Variants in BMS1 observed in about 807,000 individuals in gnomAD.
BMS1 encodes the protein BMS1 ribosome biogenesis factor.
A neutral mutation model predicts 138.7 loss-of-function variants in BMS1; 53 were observed. That is an observed-to-expected ratio of 0.38 (90% CI 0.31 to 0.48). The LOEUF is 0.48. Ranked by LOEUF, BMS1 falls within the 20% of genes least tolerant of loss-of-function variation. BMS1 has a pLI of 0.97. For synonymous variants in BMS1, 504 were observed against 539.9 expected (o/e 0.93, Z 0.92); for missense variants, 1,360 against 1,565.5 (o/e 0.87, Z 2.22).
intron 13 of BMS1, among the ~76,000 whole-genome samples, chr10:42,815,650 C>T (rs781629924): frequency 6.6e-6 from 1 of 152,188 alleles, no homozygotes; most frequent in Non-Finnish European, 1.5e-5. Context: ...CAACGTCTGC[C>T]TCCCGGGCCC....
chr10:42,792,607 C>T lies in BMS1; in HGVS notation c.894C>T (p.His298=), dbSNP rs1341467712. 2 of 1,607,410 alleles carry T rather than the reference C, an allele frequency of 1.2e-6. No homozygotes were observed. Among genetic ancestry groups the T allele is most frequent in the Non-Finnish European group, 1.7e-6 (2 of 1,179,722 alleles). Residue 298 remains histidine, a synonymous_variant, in exon 7 of 23, where the codon CAC becomes CAT. Transcript: ENST00000374518. The stretch of plus-strand genomic sequence containing the variant: ...ACTTGAAAAATAAAAGCCAAATTCA[C>T]ATGCCAGGTATTCTCTTGTTGTAGA... ...GAHLKNKSQI[H]MPGVGDFAVS...
chr10:42,817,943 AG>A (rs1267006427), intron 15 of BMS1, among the ~76,000 whole-genome samples: 1 of 152,184 alleles, frequency 6.6e-6, no homozygotes, highest in East Asian at 1.9e-4. Context: ...CATCCTGGTC[AG>A]AGTTCAGAAG....
intron 15 of BMS1, among the ~76,000 whole-genome samples, chr10:42,819,854 C>T (rs754821930): frequency 3.3e-5 from 5 of 152,122 alleles, no homozygotes; most frequent in Admixed American, 2.6e-4. Flanking sequence ...TGCAGTGGCA[C>T]GATCTCGACT....
In BMS1 at chr10:42,830,894, C is replaced by G. The variant is rs773249299; in HGVS notation, c.3647C>G (p.Thr1216Arg). Residue 1216 changes from threonine (T) to arginine (R), a missense_variant, in exon 23 of 23, where the codon ACG (threonine) becomes AGG (arginine). Physicochemically the swap from Thr to Arg is moderately conservative, Grantham distance 71. Transcript: ENST00000374518. ...KILALLDALS[T>R]VHSQKMKKAK... is the part of the protein sequence containing the mutation. The stretch of plus-strand genomic sequence containing the variant: ...CTTGCACTGCTGGATGCTCTGAGTA[C>G]GGTGCATAGTCAGAAGATGAAGAAG... 1 of 1,611,944 alleles carries G rather than the reference C, an allele frequency of 6.2e-7. No homozygotes were observed. Among genetic ancestry groups the G allele is most frequent in the Non-Finnish European group, 8.5e-7 (1 of 1,179,200 alleles).
At chr10:42,789,484 A>G (rs1475693730) in intron 4 of BMS1, among the ~76,000 whole-genome samples, 1 of 152,250 alleles carries the variant, frequency 6.6e-6, no homozygotes, top group African/African-American at 2.4e-5. Context: ...AGAAATTTCC[A>G]GGAATCAATT....
rs183990892 is a variant in BMS1, at chr10:42,792,938, T to C, written c.902-19T>C. On this transcript the variant is annotated intron_variant, in intron 7 of 22. Transcript: ENST00000374518. ...GACTTCTTGTCAGCTGAAGCTGGCTTTTGGGTTCTGTCTTCCAGGGGTAGG... is the reference window on the plus strand; with the variant it reads ...GACTTCTTGTCAGCTGAAGCTGGCTCTTGGGTTCTGTCTTCCAGGGGTAGG... The C allele has an allele frequency of 1.8e-5, 28 of 1,599,618 alleles. No homozygotes were observed. The highest frequency in any genetic ancestry group is 2.3e-5 in the South Asian group (2 of 88,674).
intron 13 of BMS1, among the ~76,000 whole-genome samples, chr10:42,812,736 G>A (rs1842219672): frequency 6.6e-6 from 1 of 152,244 alleles, no homozygotes. Context: ...GGGGGCTGAG[G>A]AAGGAGGCAG....
chr10:42,800,405 A>G (rs922495933), intron 12 of BMS1, among the ~76,000 whole-genome samples: 1 of 152,154 alleles, frequency 6.6e-6, no homozygotes, highest in African/African-American at 2.4e-5. Flanking sequence ...TTAAGAATGT[A>G]GAGTGGTGAT....
intron 4 of BMS1, among the ~76,000 whole-genome samples, chr10:42,789,705 A>G (rs1841444622): frequency 6.6e-6 from 1 of 152,218 alleles, no homozygotes; most frequent in Non-Finnish European, 1.5e-5. Context: ...CTTCTCAACA[A>G]AAAACAGATT....
rs61736598 is a variant in BMS1 at position 42,784,506 on chromosome 10, C to G, written c.112C>G (p.Arg38Gly). 2 of 1,613,898 alleles carry G rather than the reference C, an allele frequency of 1.2e-6. No individual in the cohort carries two copies. Among genetic ancestry groups the G allele is most frequent in the Admixed American group, 3.3e-5 (2 of 60,002 alleles). Residue 38 changes from arginine to glycine, a missense_variant, in exon 2 of 23, where the codon CGG (arginine) becomes GGG (glycine). Arg to Gly is a moderately radical substitution (Grantham distance 125). This residue lies in a region of BMS1 where 238 missense variants were observed against 311.1 expected (regional missense o/e 0.77). Coordinates refer to ENST00000374518, the MANE Select transcript of BMS1 (RefSeq NM_014753.4). ...DLQLGDEEDA[R>G]KRNPKAFAVQ... ...CCAGCTAGGAGACGAAGAAGATGCC[C>G]GGAAGAGAAATCCCAAAGCTTTTGC...
At chr10:42,795,211 C>T (rs1445996446) in intron 9 of BMS1, among the ~76,000 whole-genome samples, 5 of 152,156 alleles carry the variant, frequency 3.3e-5, no homozygotes, top group Admixed American at 6.5e-5. Context: ...GTGAATAGTG[C>T]GGCAATAAAC....
intron 17 of BMS1, 23 bp from the exon 18 acceptor site, chr10:42,820,911 T>C (rs1276740367): frequency 6.2e-7 from 1 of 1,601,130 alleles, no homozygotes; most frequent in South Asian, 1.1e-5. Context: ...TCGCTATATT[T>C]CTTTTTTTCC....
chr10:42,815,600 C>CGAG (rs1842326471), intron 13 of BMS1, among the ~76,000 whole-genome samples: 1 of 152,114 alleles, frequency 6.6e-6, no homozygotes. Flanking sequence ...CTCACTCTGT[C>CGAG]ACCCAGGCTG....
intron 7 of BMS1, 37 bp downstream of exon 7, chr10:42,792,651 T>C (rs758955851): frequency 1.3e-6 from 2 of 1,582,446 alleles, no homozygotes; most frequent in Non-Finnish European, 1.7e-6. Flanking sequence ...GAATTACACA[T>C]AGGATTCTTG....
At chr10:42,829,152 A>T (rs1341640048) in intron 21 of BMS1, among the ~76,000 whole-genome samples, 1 of 152,088 alleles carries the variant, frequency 6.6e-6, no homozygotes, top group Non-Finnish European at 1.5e-5. Context: ...CTCCACTAAA[A>T]ATACAAAAAA....
chr10:42,827,273 A>C (rs894739881), intron 21 of BMS1, among the ~76,000 whole-genome samples: 1 of 152,124 alleles, frequency 6.6e-6, no homozygotes, highest in African/African-American at 2.4e-5. Context: ...GACTTTTCAG[A>C]CACAAGCAGG....
In BMS1 at chr10:42,826,408, TGGGA is replaced by T. The variant is rs1279717220; in HGVS notation, c.3456+2626_3456+2629del. Among the ~76,000 whole-genome samples, 17 of 152,248 alleles carry T rather than the reference TGGGA, an allele frequency of 1.1e-4. 2 individuals carry two copies. The South Asian group carries it at 3.5e-3, about 32-fold the overall frequency. On this transcript the variant is annotated intron_variant, in intron 21 of 22. Transcript: ENST00000374518. ...CAGGGGATGGGAGTGACTCTGGACA[TGGGA>T]GTGACATAATAGTGACTCTGGACCC...
At chr10:42,813,368 G>A (rs533664447) in intron 13 of BMS1, among the ~76,000 whole-genome samples, 3 of 151,830 alleles carry the variant, frequency 2.0e-5, no homozygotes, top group African/African-American at 7.3e-5. Context: ...CCTCCATCTT[G>A]ATCTATTTCT....
At chr10:42,826,725 C>T (rs555901797) in intron 21 of BMS1, among the ~76,000 whole-genome samples, 4 of 152,334 alleles carry the variant, frequency 2.6e-5, no homozygotes, top group Non-Finnish European at 5.9e-5. Flanking sequence ...GTTGGCTCAT[C>T]CCTGGCAGGT....
Sources: gnomAD v4.1 joint callset for allele counts (sites outside exome capture counted in the v4.1 genomes callset) on GRCh38, gnomAD v4.1.1 for gene constraint, gnomAD v4.1.1 regional missense constraint, MANE v1.5 for transcripts, NCBI Gene and HGNC (gene_info 2026-07-23, HGNC 2026-07-21) for gene names.